MARK2: variants seen among roughly 807,000 people sequenced by gnomAD.
The protein encoded by MARK2 is microtubule affinity regulating kinase 2.
Under a neutral mutation model 89.8 loss-of-function variants are expected in MARK2, and 16 were observed. The ratio of observed to expected loss-of-function variants is 0.18; its 90% CI spans 0.12 to 0.27. The LOEUF (loss-of-function observed/expected upper bound fraction) is 0.27, where lower values mean the gene tolerates loss of function less well. Among genes scored for constraint, MARK2 ranks in the 10% least tolerant of loss-of-function variants. The pLI is 1.00. For missense variants in MARK2, 621 were observed against 1,049.9 expected (o/e 0.59, Z 5.65); for synonymous variants, 382 against 399.5 (o/e 0.96, Z 0.52).
At chr11:63,844,348 G>A (rs1361843848) in intron 1 of MARK2, among the ~76,000 whole-genome samples, 4 of 152,106 alleles carry the variant, frequency 2.6e-5, no homozygotes, top group African/African-American at 9.7e-5. Flanking sequence ...GCTGGGCATG[G>A]TGGCACATGC....
chr11:63,858,808 A>C (rs149851143), intron 1 of MARK2, among the ~76,000 whole-genome samples: 5 of 152,298 alleles, frequency 3.3e-5, no homozygotes, highest in Non-Finnish European at 5.9e-5. Context: ...TTGGTTGATT[A>C]CTTGCTATGA....
rs1328900958 is a variant in MARK2 at position 63,839,356 on chromosome 11, G to T, written c.-151G>T. On this transcript the variant is annotated 5_prime_UTR_variant, in exon 1 of 19. Transcript: ENST00000402010. Reference sequence around the variant, plus strand: ...CCGAGCGGCGCATCCCCGGGCTGGCGTGAGCGGCTGCCCGGCCTCCCCGCA... The same window carrying T: ...CCGAGCGGCGCATCCCCGGGCTGGCTTGAGCGGCTGCCCGGCCTCCCCGCA... 1.8e-6 allele frequency: 1 copy of T among 546,660 alleles called. No homozygotes were observed. The highest frequency in any genetic ancestry group is 3.5e-5 in the East Asian group (1 of 28,916). 33.9% of individuals were successfully genotyped at this position (546,660 alleles called of 1,614,324 possible).
In MARK2 at chr11:63,847,386, T is replaced by C. The variant is rs534958208; in HGVS notation, c.54+7826T>C. On this transcript the variant is annotated intron_variant, in intron 1 of 18. Coordinates refer to ENST00000402010, the MANE Select transcript of MARK2 (RefSeq NM_001039469.3). The stretch of plus-strand genomic sequence containing the variant: ...CTAGGTGATCCTGAGGGACAACTGG[T>C]GCCTGGCAGAAAGAGAGGAGGGCTG... 2.0e-4 allele frequency among the ~76,000 whole-genome samples: 30 copies of C among 152,252 alleles called. 1 individual carries two copies. Among genetic ancestry groups the C allele is most frequent in the Non-Finnish European group, 7.4e-5 (5 of 68,000 alleles).
At chr11:63,855,156 T>A (rs2016776713) in intron 1 of MARK2, among the ~76,000 whole-genome samples, 1 of 152,086 alleles carries the variant, frequency 6.6e-6, no homozygotes, top group Non-Finnish European at 1.5e-5. Context: ...AACGTCAGTG[T>A]TTGGAAATTC....
Position 63,902,777 on chromosome 11 carries a change from T to G in MARK2, c.1411T>G (p.Ser471Ala), listed in dbSNP as rs1443210087. 1 of 1,610,160 alleles carries G rather than the reference T, an allele frequency of 6.2e-7. No homozygotes were observed. Among genetic ancestry groups the G allele is most frequent in the Non-Finnish European group, 8.5e-7 (1 of 1,177,990 alleles). The change falls in exon 13 of 19, where the codon TCC (serine) becomes GCC (alanine). Residue 471 changes from serine (S) to alanine (A), a missense_variant. Ser to Ala is a moderately conservative substitution (Grantham distance 99). Around this residue, in one of 5 missense-constraint regions of MARK2, gnomAD observed 397 missense variants for 567.8 expected, o/e 0.70. Coordinates refer to ENST00000402010, the MANE Select transcript of MARK2 (RefSeq NM_001039469.3). The surrounding 1 kb of genome is among the most constrained non-coding windows in gnomAD (Gnocchi z 4.2). ...LERKKTTPTP[S>A]TNSVLSTSTN... Reference sequence around the variant, plus strand: ...GAGGAAGAAGACCACCCCAACCCCCTCCACGGTGAGCCGCACCCCCCGCTC... The same window carrying G: ...GAGGAAGAAGACCACCCCAACCCCCGCCACGGTGAGCCGCACCCCCCGCTC...
chr11:63,876,026 CAG>C (rs1234764242), intron 1 of MARK2, among the ~76,000 whole-genome samples: 2 of 152,200 alleles, frequency 1.3e-5, no homozygotes, highest in African/African-American at 2.4e-5. Flanking sequence ...TGTTGATTTG[CAG>C]AGTTTCCAGG....
chr11:63,861,959 T>C lies in MARK2; in HGVS notation c.54+22399T>C, dbSNP rs561159254. On this transcript the variant is annotated intron_variant, in intron 1 of 18. Coordinates refer to ENST00000402010, the MANE Select transcript of MARK2 (RefSeq NM_001039469.3). ...TTTTTTTGAGACGGTGTTTCGCTCT[T>C]GTTGCTCAGGCTAGAGTGCAGTGGC... Among the ~76,000 whole-genome samples, 7 of 146,158 alleles carry C rather than the reference T, an allele frequency of 4.8e-5. No homozygotes were observed. The East Asian group carries it at 1.4e-3, about 30-fold the overall frequency.
intron 2 of MARK2, 86 bp downstream of exon 2, chr11:63,895,424 A>G (rs1016596030): frequency 6.7e-7 from 1 of 1,489,700 alleles, no homozygotes; most frequent in South Asian, 1.2e-5. Context: ...ACTGCAGCCA[A>G]CCTCTTGTTT....
At chr11:63,841,087 G>A (rs1335879813) in intron 1 of MARK2, among the ~76,000 whole-genome samples, 2 of 152,252 alleles carry the variant, frequency 1.3e-5, no homozygotes, top group Non-Finnish European at 2.9e-5. Flanking sequence ...CCCCGGGGCT[G>A]CTGTGCTTTT....
At chr11:63,841,810 G>T (rs2016034037) in intron 1 of MARK2, among the ~76,000 whole-genome samples, 1 of 152,198 alleles carries the variant, frequency 6.6e-6, no homozygotes, top group African/African-American at 2.4e-5. Flanking sequence ...ACATGTAAAT[G>T]TATTATTGCC....
chr11:63,908,377 C>T lies in MARK2; in HGVS notation c.2006+73C>T, dbSNP rs567091790. On this transcript the variant is annotated intron_variant, in intron 18 of 18. Coordinates refer to ENST00000402010, the MANE Select transcript of MARK2 (RefSeq NM_001039469.3). ...GCCACAGCCTCCTGCTCCTCTCTTC[C>T]TTCTGCCACTTGGCTCTTCCTCCCG... The T allele has an allele frequency of 5.5e-3, 6,900 of 1,263,998 alleles. 30 individuals carry two copies. Among genetic ancestry groups the T allele is most frequent in the Non-Finnish European group, 6.9e-3 (6,132 of 891,146 alleles). 78.3% of individuals were successfully genotyped at this position (1,263,998 alleles called of 1,614,324 possible).
At chr11:63,847,650 A>T (rs1262868912) in intron 1 of MARK2, among the ~76,000 whole-genome samples, 1 of 152,224 alleles carries the variant, frequency 6.6e-6, no homozygotes, top group African/African-American at 2.4e-5. Flanking sequence ...TTCTCCCCAA[A>T]CACTGAATGG....
chr11:63,890,757 CATA>C (rs1438449337), intron 1 of MARK2, among the ~76,000 whole-genome samples: 1 of 152,242 alleles, frequency 6.6e-6, no homozygotes, highest in African/African-American at 2.4e-5. Flanking sequence ...TATTTGGGGA[CATA>C]ATGATTGCTC....
intron 1 of MARK2, among the ~76,000 whole-genome samples, chr11:63,857,408 T>G (rs571125825): frequency 1.3e-5 from 2 of 151,820 alleles, no homozygotes; most frequent in East Asian, 3.9e-4. Context: ...CTCGAACTCC[T>G]TACCTCAGGT....
rs943713289 is a variant in MARK2, at chr11:63,904,431, C to T, written c.1676+284C>T. On this transcript the variant is annotated intron_variant, in intron 15 of 18. Transcript: ENST00000402010. The surrounding 1 kb of genome is among the most constrained non-coding windows in gnomAD (Gnocchi z 6.3). ...CCTTCCAGGGTTTCCTTAGGGACCC[C>T]GGGGATAGTCGGCATCACAGGGACT... Among the ~76,000 whole-genome samples the T allele has an allele frequency of 3.3e-5, 5 of 152,146 alleles. No individual in the cohort carries two copies. Among genetic ancestry groups the T allele is most frequent in the Admixed American group, 1.3e-4 (2 of 15,284 alleles).
intron 1 of MARK2, among the ~76,000 whole-genome samples, chr11:63,877,550 T>C (rs1938841827): frequency 6.6e-6 from 1 of 151,848 alleles, no homozygotes; most frequent in African/African-American, 2.4e-5. Context: ...AATACAAAAA[T>C]TAGTTGGGCA....
chr11:63,843,564 T>C (rs969388786), intron 1 of MARK2, among the ~76,000 whole-genome samples: 4 of 152,140 alleles, frequency 2.6e-5, no homozygotes, highest in African/African-American at 9.7e-5. Flanking sequence ...ACAGCTGAAC[T>C]ACTCCAAACA....
intron 1 of MARK2, among the ~76,000 whole-genome samples, chr11:63,894,363 A>G (rs1173948603): frequency 3.9e-5 from 6 of 152,246 alleles, no homozygotes. Flanking sequence ...TCGGCCATGC[A>G]GTCCTTCCAT....
intron 1 of MARK2, among the ~76,000 whole-genome samples, chr11:63,882,039 G>A (rs1939119553): frequency 6.6e-6 from 1 of 152,140 alleles, no homozygotes; most frequent in Non-Finnish European, 1.5e-5. Flanking sequence ...ACCACTCCCC[G>A]CTAAGACGGT....
Sources: gnomAD v4.1 joint callset for allele counts (sites outside exome capture counted in the v4.1 genomes callset) on GRCh38, gnomAD v4.1.1 for gene constraint, gnomAD v4.1.1 regional missense constraint, Gnocchi (gnomAD v3.1) non-coding constraint, MANE v1.5 for transcripts, NCBI Gene and HGNC (gene_info 2026-07-23, HGNC 2026-07-21) for gene names.